The following PROC variants were observed in gnomAD, a reference collection of about 807,000 sequenced individuals.
PROC encodes vitamin K-dependent protein C.
A neutral mutation model predicts 36.3 loss-of-function variants in PROC; 22 were observed. The ratio of observed to expected loss-of-function variants is 0.61; its 90% CI spans 0.43 to 0.86. The LOEUF (loss-of-function observed/expected upper bound fraction) is 0.86, where lower values mean the gene tolerates loss of function less well. Among genes scored for constraint, PROC ranks in the 40% least tolerant of loss-of-function variants. The pLI is 0.00. For missense variants in PROC, 526 were observed against 629.7 expected (o/e 0.84, Z 1.76); for synonymous variants, 218 against 244.5 (o/e 0.89, Z 1.01).
rs142851279 is a variant in PROC, at chr2:127,426,725, C to G, written c.679-380C>G. ...ACCCGGCAGCCCAGTGGGACCACAG[C>G]CAGGACGGCCCTTCAAGATAGGGGC... On this transcript the variant is annotated intron_variant, in intron 7 of 8. Transcript: ENST00000234071. This position sits in a 1 kb window ranked among gnomAD's most constrained non-coding sequence, Gnocchi z 7.0. Among the ~76,000 whole-genome samples, 349 of 152,290 alleles carry G rather than the reference C, an allele frequency of 2.3e-3. 5 individuals are homozygous for G. Among genetic ancestry groups the G allele is most frequent in the African/African-American group, 7.5e-3 (313 of 41,556 alleles).
Position 127,428,475 on chromosome 2 carries a change from G to A in PROC, c.915G>A (p.Leu305=). ...ACAATGACATCGCACTGCTGCACCT[G>A]GCCCAGCCCGCCACCCTCTCGCAGA... ...TTDNDIALLH[L]AQPATLSQTI... Residue 305 remains leucine (L), a synonymous_variant, in exon 9 of 9, where the codon CTG becomes CTA. Coordinates refer to ENST00000234071, the MANE Select transcript of PROC (RefSeq NM_000312.4). The A allele has an allele frequency of 6.2e-7, 1 of 1,614,134 alleles. No homozygotes were observed. Among genetic ancestry groups the A allele is most frequent in the Middle Eastern group, 1.6e-4 (1 of 6,062 alleles).
At chr2:127,427,257 G>C (rs1258430001) in intron 8 of PROC, 35 bp downstream of exon 8, 2 of 1,585,006 alleles carry the variant, frequency 1.3e-6, no homozygotes, top group Admixed American at 3.3e-5. Context: ...GGGGCTGCCA[G>C]AGGCCTGGGT....
intron 2 of PROC, among the ~76,000 whole-genome samples, 187 bp downstream of exon 2, chr2:127,420,199 T>C (rs1164919757): frequency 6.6e-6 from 1 of 152,210 alleles, no homozygotes; most frequent in Non-Finnish European, 1.5e-5. Context: ...ACACAGGGGC[T>C]GCCAGGGCAG....
Position 127,419,894 on chromosome 2 carries a change from C to T in PROC, c.-21-28C>T, listed in dbSNP as rs369425880. On this transcript the variant is annotated intron_variant, in intron 1 of 8. Coordinates refer to ENST00000234071, the MANE Select transcript of PROC (RefSeq NM_000312.4). ...GGCAGAGCAGCAGCGGGGGTAGGCA[C>T]TGCCCGGAGCTCAGAAGTCCTCCTC... 1.7e-5 allele frequency: 28 copies of T among 1,613,554 alleles called. No homozygotes were observed. In the African/African-American group the frequency reaches 2.9e-4, roughly 17 times the overall value.
At chr2:127,419,310 A>G (rs528705563) in intron 1 of PROC, among the ~76,000 whole-genome samples, 1 of 152,352 alleles carries the variant, frequency 6.6e-6, no homozygotes, top group South Asian at 2.1e-4. Flanking sequence ...AACTGAAGTC[A>G]TAATATCTCA....
chr2:127,420,840 G>A (rs1425428053), intron 2 of PROC, among the ~76,000 whole-genome samples: 46 of 152,340 alleles, frequency 3.0e-4, no homozygotes, highest in Non-Finnish European at 1.3e-4. Flanking sequence ...GGGGCTGCAC[G>A]TGGTGTACTG....
chr2:127,427,158 C>G lies in PROC; in HGVS notation c.732C>G (p.His244Gln), dbSNP rs772146306. 6.2e-7 allele frequency: 1 copy of G among 1,613,678 alleles called. No homozygotes were observed. Among genetic ancestry groups the G allele is most frequent in the East Asian group, 2.2e-5 (1 of 44,890 alleles). ...TGGCCTGCGGGGCAGTGCTCATCCA[C>G]CCCTCCTGGGTGCTGACAGCGGCCC... The part of the protein sequence containing the change: ...KKLACGAVLI[H>Q]PSWVLTAAHC... The change falls in exon 8 of 9, where the codon CAC (histidine) becomes CAG (glutamine). Residue 244 changes from histidine (H) to glutamine (Q), a missense_variant. Physicochemically the swap from His to Gln is conservative, Grantham distance 24 (BLOSUM62 0). Transcript: ENST00000234071.
At chr2:127,423,906 T>A (rs1330011194) in intron 6 of PROC, among the ~76,000 whole-genome samples, 2 of 152,278 alleles carry the variant, frequency 1.3e-5, no homozygotes, top group Non-Finnish European at 2.9e-5. Flanking sequence ...CAAATTTATA[T>A]ATGTATGAAA....
rs1688519329 is a variant in PROC, at chr2:127,426,653, G to GT, written c.678+427dup. 2 of 329,582 alleles carry GT rather than the reference G, an allele frequency of 6.1e-6. No individual in the cohort carries two copies. Among genetic ancestry groups the GT allele is most frequent in the Non-Finnish European group, 1.2e-5 (2 of 170,606 alleles). 20.4% of individuals were successfully genotyped at this position (329,582 alleles called of 1,614,324 possible). ...GGGAGATAGGAACCAACAAGTGGGA[G>GT]TATTTGCCCTGGGGACTCAGACTCT... is the stretch of plus-strand genomic sequence containing the variant. On this transcript the variant is annotated intron_variant, in intron 7 of 8. Transcript: ENST00000234071. The surrounding 1 kb of genome is among the most constrained non-coding windows in gnomAD (Gnocchi z 7.0).
chr2:127,427,463 C>T (rs952253280), intron 8 of PROC, among the ~76,000 whole-genome samples: 1 of 151,554 alleles, frequency 6.6e-6, no homozygotes, highest in Admixed American at 6.6e-5. Flanking sequence ...CAGGTACCTG[C>T]ACACACATGT....
chr2:127,422,041 G>A (rs1331247600), intron 3 of PROC, among the ~76,000 whole-genome samples: 4 of 152,170 alleles, frequency 2.6e-5, no homozygotes, highest in African/African-American at 9.7e-5. Flanking sequence ...GCTCAGACCC[G>A]CTCTGTCCCT....
At chr2:127,421,930 T>A (rs532514068) in intron 3 of PROC, among the ~76,000 whole-genome samples, 6 of 152,184 alleles carry the variant, frequency 3.9e-5, no homozygotes, top group Non-Finnish European at 7.4e-5. Flanking sequence ...CTGTGTCCTA[T>A]TTGTCTAAGG....
At position 127,426,387 on chromosome 2, in the gene PROC, A is replaced by C; in HGVS notation, c.678+160A>C. 11 of 982,936 alleles carry C rather than the reference A, an allele frequency of 1.1e-5. No individual in the cohort carries two copies. The highest frequency in any genetic ancestry group is 2.2e-5 in the Admixed American group (1 of 45,546). The allele number at this position is 982,936 out of a possible 1,614,324, so 60.9% of individuals were successfully genotyped here. A position where few individuals can be genotyped will look rare whatever the true frequency, so the allele number is the denominator to read the frequency against. ...GATGCTTCAGGGAAAGATGGACGCAACCTGAGGGGAGAGGAGCAGCCAGGG... is the reference window on the plus strand; with the variant it reads ...GATGCTTCAGGGAAAGATGGACGCACCCTGAGGGGAGAGGAGCAGCCAGGG... On this transcript the variant is annotated intron_variant, in intron 7 of 8. Coordinates refer to ENST00000234071, the MANE Select transcript of PROC (RefSeq NM_000312.4). The surrounding 1 kb of genome is among the most constrained non-coding windows in gnomAD (Gnocchi z 7.0).
At chr2:127,422,198 G>C (rs1021199163) in intron 3 of PROC, among the ~76,000 whole-genome samples, 3 of 152,160 alleles carry the variant, frequency 2.0e-5, no homozygotes, top group Non-Finnish European at 4.4e-5. Context: ...CCACCTCCTT[G>C]ACTGGACCCC....
At position 127,426,326 on chromosome 2, in the gene PROC, C is replaced by T. The variant is rs185635584; in HGVS notation, c.678+99C>T. 1.2e-4 allele frequency: 191 copies of T among 1,534,382 alleles called. No individual in the cohort carries two copies. Among genetic ancestry groups the T allele is most frequent in the Non-Finnish European group, 1.4e-4 (159 of 1,114,524 alleles). ...CAGGGTGCAGAAACCGAGAGGGAAG[C>T]GCTGCCATTGCGTTTGGGGGATGAT... On this transcript the variant is annotated intron_variant, in intron 7 of 8. Coordinates refer to ENST00000234071, the MANE Select transcript of PROC (RefSeq NM_000312.4). This position sits in a 1 kb window ranked among gnomAD's most constrained non-coding sequence, Gnocchi z 7.0.
intron 1 of PROC, 73 bp from the exon 2 acceptor site, chr2:127,419,849 C>A: frequency 6.2e-7 from 1 of 1,609,776 alleles, no homozygotes; most frequent in Non-Finnish European, 8.5e-7. Context: ...CCTTTCATTC[C>A]GCTTCCACCT....
intron 1 of PROC, 173 bp from the exon 2 acceptor site, chr2:127,419,749 G>C (rs566679434): frequency 7.0e-7 from 1 of 1,435,818 alleles, no homozygotes; most frequent in African/African-American, 1.4e-5. Context: ...CACGTAGAGC[G>C]GGCAGCCGAG....
intron 7 of PROC, 96 bp from the exon 8 acceptor site, chr2:127,427,009 C>A: frequency 2.8e-6 from 3 of 1,068,346 alleles, no homozygotes; most frequent in Non-Finnish European, 2.9e-6. Flanking sequence ...CCCATATGAC[C>A]AGGGAACCCA....
chr2:127,423,869 T>C (rs1688305794), intron 6 of PROC, among the ~76,000 whole-genome samples: 1 of 152,278 alleles, frequency 6.6e-6, no homozygotes, highest in African/African-American at 2.4e-5. Context: ...TGCCTTCTTC[T>C]ATATTTTCCT....
Sources: allele counts gnomAD v4.1 joint callset (sites outside exome capture counted in the v4.1 genomes callset), GRCh38; gene constraint gnomAD v4.1.1; non-coding constraint Gnocchi (gnomAD v3.1); transcripts MANE v1.5; gene names NCBI Gene and HGNC (gene_info 2026-07-23, HGNC 2026-07-21).